UMODL1: variants seen among roughly 807,000 people sequenced by gnomAD.
The protein encoded by UMODL1 is uromodulin like 1, also known as uromodulin-like 1.
In UMODL1, 128 loss-of-function variants were observed where a neutral mutation model predicts 136.3. The observed-to-expected ratio is 0.94, with a 90% CI of 0.81 to 1.09. The LOEUF is 1.09. Among genes scored for constraint, UMODL1 ranks in the 50% least tolerant of loss-of-function variants. The pLI is 0.00. For synonymous variants in UMODL1, 721 were observed against 720.0 expected, an observed-to-expected ratio of 1.00 and a Z score of -0.02; for missense variants, 1,766 against 1,725.6, an observed-to-expected ratio of 1.02 and a Z score of -0.41.
At chr21:42,108,553 G>A (rs1388601211) in intron 9 of UMODL1, 7 of 339,470 alleles carry the variant, frequency 2.1e-5, no homozygotes, top group Non-Finnish European at 4.2e-5. Flanking sequence ...CCTGCATCGT[G>A]GCTTAAATTC....
In UMODL1 at chr21:42,103,954, T is replaced by A; in HGVS notation, c.1386T>A (p.Ser462Arg). ...RMQIVSLQAG[S>R]VVVRLKLTVQ... ...AGATCGTGTCTCTCCAGGCGGGAAG[T>A]GTGGTCGTGAGGCTCAAGCTCACCG... Residue 462 changes from serine (S) to arginine (R), a missense_variant, in exon 9 of 23, where the codon AGT becomes AGA. Coordinates refer to ENST00000408910, the MANE Select transcript of UMODL1 (RefSeq NM_001004416.3). The A allele has an allele frequency of 6.2e-7, 1 of 1,614,076 alleles. No homozygotes were observed. Among genetic ancestry groups the A allele is most frequent in the Non-Finnish European group, 8.5e-7 (1 of 1,180,016 alleles).
At position 42,102,531 on chromosome 21, in the gene UMODL1, C is replaced by T. The variant is rs2066649821; in HGVS notation, c.1299+253C>T. On this transcript the variant is annotated intron_variant, in intron 8 of 22. Transcript: ENST00000408910. ...TATGTGCCTTTATTCAAATGGTGTA[C>T]ACCACTTACTCCTACTGTTGGATTT... The T allele has an allele frequency of 1.4e-5, 4 of 294,562 alleles. No individual in the cohort carries two copies. In the South Asian group the frequency reaches 2.1e-4, roughly 16 times the overall value. 18.2% of individuals were successfully genotyped at this position (294,562 alleles called of 1,614,324 possible).
intron 5 of UMODL1, among the ~76,000 whole-genome samples, chr21:42,089,942 A>G (rs998990541): frequency 2.6e-5 from 4 of 152,192 alleles, no homozygotes; most frequent in Non-Finnish European, 5.9e-5. Flanking sequence ...TTGGCGCAGA[A>G]AACACCCACT....
At chr21:42,064,767 A>G (rs2066170177) in intron 1 of UMODL1, among the ~76,000 whole-genome samples, 1 of 152,008 alleles carries the variant, frequency 6.6e-6, no homozygotes, top group African/African-American at 2.4e-5. Flanking sequence ...TGTTGGCCAG[A>G]CTGGTCTCTA....
At chr21:42,104,178 C>T in intron 9 of UMODL1, 91 bp downstream of exon 9, 3 of 1,328,298 alleles carry the variant, frequency 2.3e-6, no homozygotes, top group Non-Finnish European at 3.1e-6. Context: ...TCCTTTATTT[C>T]AAAGGGTAAA....
intron 9 of UMODL1, among the ~76,000 whole-genome samples, chr21:42,105,370 C>T (rs1418286001): frequency 6.6e-6 from 1 of 152,130 alleles, no homozygotes; most frequent in Non-Finnish European, 1.5e-5. Context: ...TCCCTGCCTC[C>T]CTCCTCCCAT....
chr21:42,088,937 A>G (rs1410483174), intron 5 of UMODL1, among the ~76,000 whole-genome samples: 2 of 152,204 alleles, frequency 1.3e-5, no homozygotes, highest in Non-Finnish European at 2.9e-5. Context: ...AGGCTCCTTC[A>G]GCACAATTTG....
intron 22 of UMODL1, among the ~76,000 whole-genome samples, chr21:42,139,612 G>A (rs1046621928): frequency 1.3e-5 from 2 of 152,078 alleles, no homozygotes; most frequent in Non-Finnish European, 2.9e-5. Flanking sequence ...ATTTTCCCTC[G>A]ATGTTTTAAT....
rs539189509 is a variant in UMODL1, at chr21:42,127,796, G to A, written c.3655G>A (p.Val1219Ile). ...CGTCTACCTGCACTGCAAACTCCGC[G>A]TCTGCATGGAATCCCCCGGAGCCAC... ...SIVYLHCKLR[V>I]CMESPGATCK... The change falls in exon 20 of 23, where the codon GTC (valine) becomes ATC (isoleucine). Residue 1219 changes from valine (V) to isoleucine (I), a missense_variant. Physicochemically the swap from Val to Ile is conservative, Grantham distance 29. Transcript: ENST00000408910. 71 of 1,613,914 alleles carry A rather than the reference G, an allele frequency of 4.4e-5. No homozygotes were observed. Among genetic ancestry groups the A allele is most frequent in the Admixed American group, 2.5e-4 (15 of 59,944 alleles).
chr21:42,106,249 A>T (rs1232321743), intron 9 of UMODL1, among the ~76,000 whole-genome samples: 1 of 152,202 alleles, frequency 6.6e-6, no homozygotes, highest in Non-Finnish European at 1.5e-5. Flanking sequence ...AGCCCAGCTT[A>T]CAGGGGGACA....
At chr21:42,113,481 G>A (rs1400449801) in intron 12 of UMODL1, 92 bp from the exon 13 acceptor site, 3 of 1,484,972 alleles carry the variant, frequency 2.0e-6, no homozygotes, top group Non-Finnish European at 2.7e-6. Context: ...ATGTCCCCAT[G>A]GTGATGAATT....
intron 21 of UMODL1, 130 bp from the exon 22 acceptor site, chr21:42,137,309 C>A: frequency 8.6e-7 from 1 of 1,158,606 alleles, no homozygotes; most frequent in Non-Finnish European, 1.2e-6. Flanking sequence ...CACAGGCACA[C>A]GGGTGCACAC....
At chr21:42,081,698 C>T (rs1041411732) in intron 2 of UMODL1, among the ~76,000 whole-genome samples, 3 of 152,060 alleles carry the variant, frequency 2.0e-5, no homozygotes, top group Admixed American at 6.5e-5. Context: ...AGGTCCTGTA[C>T]CCCCCAACCC....
At chr21:42,100,489 C>T (rs1044674198) in intron 7 of UMODL1, among the ~76,000 whole-genome samples, 2 of 152,044 alleles carry the variant, frequency 1.3e-5, no homozygotes, top group African/African-American at 2.4e-5. Context: ...ACCCCGGCCA[C>T]CCTCGACACA....
At chr21:42,101,291 C>A (rs572294655) in intron 7 of UMODL1, among the ~76,000 whole-genome samples, 35 of 152,224 alleles carry the variant, frequency 2.3e-4, no homozygotes, top group African/African-American at 7.5e-4. Flanking sequence ...CTCTGCGATA[C>A]GTCGGGGCCT....
rs149605892 is a variant in UMODL1, at chr21:42,099,732, G to A, written c.1186+552G>A. ...GTCTCGCTCTGTCACCCAGGCTGGA[G>A]TGTAGTGGTATGATCACAGCTCGCT... is the stretch of plus-strand genomic sequence containing the variant. On this transcript the variant is annotated intron_variant, in intron 7 of 22. Coordinates refer to ENST00000408910, the MANE Select transcript of UMODL1 (RefSeq NM_001004416.3). This position sits in a 1 kb window ranked among gnomAD's most constrained non-coding sequence, Gnocchi z 4.1. 3.7e-4 allele frequency among the ~76,000 whole-genome samples: 56 copies of A among 152,290 alleles called. No homozygotes were observed. The highest frequency in any genetic ancestry group is 1.3e-3 in the African/African-American group (55 of 41,546).
At chr21:42,102,325 G>A in intron 8 of UMODL1, 47 bp downstream of exon 8, 2 of 1,397,224 alleles carry the variant, frequency 1.4e-6, no homozygotes, top group Non-Finnish European at 2.0e-6. Flanking sequence ...TGTTCTGAGT[G>A]AGGACATCAA....
At chr21:42,112,346 C>T (rs61137659) in intron 12 of UMODL1, among the ~76,000 whole-genome samples, 9,333 of 151,712 alleles carry the variant, frequency 0.062, 331 homozygotes, top group East Asian at 0.13. Flanking sequence ...GTTCTATATG[C>T]CCCAGAGATT....
chr21:42,108,885 A>G, intron 9 of UMODL1, among the ~76,000 whole-genome samples: 1 of 148,786 alleles, frequency 6.7e-6, no homozygotes, highest in Middle Eastern at 3.2e-3. Context: ...CCGGCGTGGG[A>G]AGTTCATGTT....
Sources: allele counts gnomAD v4.1 joint callset (sites outside exome capture counted in the v4.1 genomes callset), GRCh38; gene constraint gnomAD v4.1.1; non-coding constraint Gnocchi (gnomAD v3.1); transcripts MANE v1.5; gene names NCBI Gene and HGNC (gene_info 2026-07-23, HGNC 2026-07-21).